ZNF521: variants seen among roughly 807,000 people sequenced by gnomAD.
ZNF521 encodes the protein LYST-interacting protein 3.
Under a neutral mutation model 105.5 loss-of-function variants are expected in ZNF521, and 14 were observed. The observed-to-expected ratio is 0.13, with a 90% confidence interval of 0.09 to 0.21. The LOEUF (loss-of-function observed/expected upper bound fraction) is 0.21. Among genes scored for constraint, ZNF521 ranks in the 10% least tolerant of loss-of-function variants. The pLI is 1.00. For missense variants in ZNF521, 1,233 were observed against 1,629.7 expected (o/e 0.76, Z 4.19); for synonymous variants, 635 against 606.0 (o/e 1.05, Z -0.70).
intron 5 of ZNF521, among the ~76,000 whole-genome samples, chr18:25,164,219 T>C (rs1387503322): frequency 6.6e-5 from 10 of 152,196 alleles, no homozygotes; most frequent in Admixed American, 6.5e-4. Context: ...TAAATACTCC[T>C]GCAGCTTCTG....
At chr18:25,067,089 T>A (rs1015171403) in intron 7 of ZNF521, among the ~76,000 whole-genome samples, 2 of 152,134 alleles carry the variant, frequency 1.3e-5, no homozygotes, top group African/African-American at 4.8e-5. Flanking sequence ...CATATTCTAC[T>A]CTGCAAAAAG....
chr18:25,326,890 G>T (rs1913250449), intron 2 of ZNF521, among the ~76,000 whole-genome samples: 1 of 152,174 alleles, frequency 6.6e-6, no homozygotes. Context: ...CTAACAGTTT[G>T]TTCTCTGATC....
At chr18:25,199,348 G>A (rs1324149062) in intron 4 of ZNF521, among the ~76,000 whole-genome samples, 1 of 151,820 alleles carries the variant, frequency 6.6e-6, no homozygotes, top group Non-Finnish European at 1.5e-5. Context: ...CAAATGTAAT[G>A]TGTGGATCCT....
chr18:25,320,863 A>G (rs1018854887), intron 3 of ZNF521, among the ~76,000 whole-genome samples: 7 of 152,220 alleles, frequency 4.6e-5, no homozygotes, highest in African/African-American at 1.4e-4. Flanking sequence ...GTTTTCTGAA[A>G]GGAAGATGAT....
At chr18:25,085,931 A>G (rs2033613515) in intron 7 of ZNF521, among the ~76,000 whole-genome samples, 1 of 152,000 alleles carries the variant, frequency 6.6e-6, no homozygotes, top group Non-Finnish European at 1.5e-5. Context: ...CTTATCCTAA[A>G]CTTAACCTAT....
intron 5 of ZNF521, among the ~76,000 whole-genome samples, chr18:25,170,004 T>C (rs1230633387): frequency 6.6e-6 from 1 of 152,180 alleles, no homozygotes; most frequent in Non-Finnish European, 1.5e-5. Flanking sequence ...CTAGGGTGTA[T>C]TCTTTCCCAA....
chr18:25,066,661 G>A (rs2144105257), intron 7 of ZNF521, among the ~76,000 whole-genome samples: 1 of 152,284 alleles, frequency 6.6e-6, no homozygotes, highest in Middle Eastern at 3.4e-3. Flanking sequence ...GAAGCGCCAA[G>A]CAAAGAGAGG....
At chr18:25,077,969 T>A (rs528771987) in intron 7 of ZNF521, among the ~76,000 whole-genome samples, 13 of 152,334 alleles carry the variant, frequency 8.5e-5, no homozygotes, top group African/African-American at 3.1e-4. Flanking sequence ...CTGCTCTTCT[T>A]CTGACAGTTT....
chr18:25,287,286 G>T (rs762688822), intron 3 of ZNF521, among the ~76,000 whole-genome samples: 4 of 152,132 alleles, frequency 2.6e-5, no homozygotes, highest in Non-Finnish European at 5.9e-5. Context: ...TTCTTGCAGC[G>T]CTTAATGCCA....
intron 4 of ZNF521, among the ~76,000 whole-genome samples, chr18:25,205,276 T>G (rs1425488060): frequency 6.6e-6 from 1 of 152,086 alleles, no homozygotes; most frequent in Non-Finnish European, 1.5e-5. Context: ...ACATTTATAA[T>G]TCATAGTAAA....
chr18:25,283,930 C>A (rs551665269), intron 3 of ZNF521, among the ~76,000 whole-genome samples: 5 of 142,472 alleles, frequency 3.5e-5, no homozygotes, highest in Non-Finnish European at 6.2e-5. Flanking sequence ...TTTCCCCCCC[C>A]CCCAAAAAAA....
At chr18:25,257,495 A>C (rs1908601947) in intron 3 of ZNF521, among the ~76,000 whole-genome samples, 1 of 152,136 alleles carries the variant, frequency 6.6e-6, no homozygotes, top group Admixed American at 6.6e-5. Flanking sequence ...CTAGATTTCT[A>C]TACTGTTTCC....
intron 5 of ZNF521, among the ~76,000 whole-genome samples, chr18:25,109,507 A>G (rs2034141707): frequency 6.6e-6 from 1 of 152,128 alleles, no homozygotes; most frequent in South Asian, 2.1e-4. Context: ...TTTATTTTTA[A>G]TTATTTGAGA....
At chr18:25,321,185 G>A (rs1486181034) in intron 3 of ZNF521, among the ~76,000 whole-genome samples, 2 of 152,158 alleles carry the variant, frequency 1.3e-5, no homozygotes, top group African/African-American at 4.8e-5. Flanking sequence ...AGTGGCATCA[G>A]CTTCAAACAG....
rs1394000336 is a variant in ZNF521, at chr18:25,225,846, G to A, written c.2072C>T (p.Ser691Leu). The part of the protein sequence containing the change: ...KHVTIHFMIT[S>L]TYYICESCDK... The stretch of plus-strand genomic sequence containing the variant: ...ACAACTCTCACAGATGTAATACGTT[G>A]AAGTGATCATAAAGTGAATGGTAAC... Residue 691 changes from serine to leucine, a missense_variant, in exon 4 of 8, where the codon TCA (serine) becomes TTA (leucine). Around this residue, in one of 6 missense-constraint regions of ZNF521, gnomAD observed 614 missense variants for 751.5 expected, o/e 0.82. Coordinates refer to ENST00000361524, the MANE Select transcript of ZNF521 (RefSeq NM_015461.3). This position sits in a 1 kb window ranked among gnomAD's most constrained non-coding sequence, Gnocchi z 5.6. 2 of 1,614,178 alleles carry A rather than the reference G, an allele frequency of 1.2e-6. No homozygotes were observed. Among genetic ancestry groups the A allele is most frequent in the East Asian group, 2.2e-5 (1 of 44,870 alleles).
In ZNF521 at chr18:25,322,105, C is replaced by T. The variant is rs771663892; in HGVS notation, c.123G>A (p.Leu41=). The change falls in exon 3 of 8, where the codon TTG becomes TTA. Residue 41 remains leucine, a synonymous_variant. Transcript: ENST00000361524. Reference sequence around the variant, plus strand: ...CACAGCTGTGCACAGCTTCGTCTTCCAACTCCTCCCCGTCTTCCGGCCTCT... The same window carrying T: ...CACAGCTGTGCACAGCTTCGTCTTCTAACTCCTCCCCGTCTTCCGGCCTCT... ...CKKRPEDGEE[L]EDEAVHSCDS... The T allele has an allele frequency of 6.2e-7, 1 of 1,614,072 alleles. No homozygotes were observed. Among genetic ancestry groups the T allele is most frequent in the Non-Finnish European group, 8.5e-7 (1 of 1,180,042 alleles).
At chr18:25,141,573 C>T (rs1332067688) in intron 5 of ZNF521, among the ~76,000 whole-genome samples, 1 of 152,142 alleles carries the variant, frequency 6.6e-6, no homozygotes, top group Non-Finnish European at 1.5e-5. Context: ...TGCTCTTTGC[C>T]AGAGATGGAA....
chr18:25,244,320 C>T (rs2144813763), intron 3 of ZNF521, among the ~76,000 whole-genome samples: 1 of 150,786 alleles, frequency 6.6e-6, no homozygotes, highest in South Asian at 2.1e-4. Context: ...ACACTCTCAC[C>T]CTTTATACCA....
At chr18:25,153,183 C>G (rs2144494880) in intron 5 of ZNF521, among the ~76,000 whole-genome samples, 1 of 152,230 alleles carries the variant, frequency 6.6e-6, no homozygotes, top group African/African-American at 2.4e-5. Flanking sequence ...GAATGTTGGT[C>G]AGCTAAACTT....
Sources: gnomAD v4.1 joint callset for allele counts (sites outside exome capture counted in the v4.1 genomes callset) on GRCh38, gnomAD v4.1.1 for gene constraint, gnomAD v4.1.1 regional missense constraint, Gnocchi (gnomAD v3.1) non-coding constraint, MANE v1.5 for transcripts, NCBI Gene and HGNC (gene_info 2026-07-23, HGNC 2026-07-21) for gene names.